Variants in LINC00305 observed in about 807,000 individuals in gnomAD.
LINC00305 encodes the protein long independently transcribed non-coding RNA 305, also known as long intergenic non-protein coding RNA 305.
intron 3 of LINC00305, among the ~76,000 whole-genome samples, chr18:64,089,961 G>C (rs1194762075): frequency 2.0e-5 from 3 of 152,130 alleles, no homozygotes; most frequent in Admixed American, 6.5e-5. Flanking sequence ...TTTGGGTGGG[G>C]ACACAGCCAA....
chr18:64,140,318 C>G (rs551424154), intron 1 of LINC00305, among the ~76,000 whole-genome samples: 1 of 152,142 alleles, frequency 6.6e-6, no homozygotes, highest in African/African-American at 2.4e-5. Context: ...AAGTGATTCT[C>G]CTGCCTCACC....
At chr18:64,114,223 T>A (rs1369439557) in intron 1 of LINC00305, among the ~76,000 whole-genome samples, 2 of 152,164 alleles carry the variant, frequency 1.3e-5, no homozygotes, top group African/African-American at 4.8e-5. Flanking sequence ...TGAGCCGAGA[T>A]TGCGCCACTG....
chr18:64,098,378 TTGGCA>T, intron 2 of LINC00305, among the ~76,000 whole-genome samples: 1 of 152,334 alleles, frequency 6.6e-6, no homozygotes, highest in East Asian at 1.9e-4. Flanking sequence ...TCTTTTTTAA[TTGGCA>T]TGGATCACAC....
chr18:64,087,884 G>A (rs1270970050), intron 3 of LINC00305, among the ~76,000 whole-genome samples: 3 of 151,762 alleles, frequency 2.0e-5, no homozygotes, highest in Non-Finnish European at 2.9e-5. Context: ...AAGGTCAGGA[G>A]ATCAAGACCA....
intron 1 of LINC00305, among the ~76,000 whole-genome samples, chr18:64,143,640 T>G (rs2051479408): frequency 7.3e-6 from 1 of 137,502 alleles, no homozygotes; most frequent in Non-Finnish European, 1.6e-5. Context: ...ACACGTATTA[T>G]GTATACATAT....
intron 1 of LINC00305, among the ~76,000 whole-genome samples, chr18:64,100,363 T>C (rs1340576253): frequency 6.6e-6 from 1 of 152,180 alleles, no homozygotes; most frequent in Non-Finnish European, 1.5e-5. Flanking sequence ...CTTGAAAGTA[T>C]GAAGAAAGAA....
chr18:64,146,595 C>G (rs2051499395), intron 1 of LINC00305, among the ~76,000 whole-genome samples: 1 of 152,216 alleles, frequency 6.6e-6, no homozygotes, highest in Non-Finnish European at 1.5e-5. Context: ...ACCTGACCAG[C>G]TCCCACCAGC....
rs533090747 is a variant in LINC00305, at chr18:64,121,335, AC to A, written n.315-22696del. Among the ~76,000 whole-genome samples, 776 of 151,500 alleles carry A rather than the reference AC, an allele frequency of 5.1e-3. 17 individuals carry two copies. The highest frequency in any genetic ancestry group is 0.017 in the African/African-American group (722 of 41,312). On this transcript the variant is annotated intron_variant and non_coding_transcript_variant, in intron 1 of 3. Transcript: ENST00000666468. The stretch of plus-strand genomic sequence containing the variant: ...CTGTACCCCAAAACCTCCGTCATCC[AC>A]CCCCCTCTGTCCCCTTACCTTTTTG...
At chr18:64,089,027 G>T (rs1389400131) in intron 3 of LINC00305, among the ~76,000 whole-genome samples, 2 of 152,184 alleles carry the variant, frequency 1.3e-5, no homozygotes, top group Admixed American at 1.3e-4. Flanking sequence ...AGGATAGACT[G>T]TCAGGAAGAA....
At chr18:64,092,961 C>T (rs75447813) in intron 3 of LINC00305, among the ~76,000 whole-genome samples, 3,989 of 152,248 alleles carry the variant, frequency 0.026, 89 homozygotes, top group Middle Eastern at 0.065. Context: ...TATCTCAAAG[C>T]ACATTTAGTG....
At chr18:64,127,951 A>G (rs1408001549) in intron 1 of LINC00305, among the ~76,000 whole-genome samples, 2 of 151,974 alleles carry the variant, frequency 1.3e-5, no homozygotes, top group East Asian at 1.9e-4. Context: ...GGGAGGAGGG[A>G]GGTTGATTTC....
At chr18:64,147,520 T>C (rs2051503775) in intron 1 of LINC00305, 1 of 152,222 alleles carries the variant, frequency 6.6e-6, no homozygotes, top group South Asian at 2.1e-4. Context: ...ACAACTGATA[T>C]ACAAATACTT....
chr18:64,117,086 G>A (rs113754946), intron 1 of LINC00305, among the ~76,000 whole-genome samples: 2 of 152,054 alleles, frequency 1.3e-5, no homozygotes, highest in African/African-American at 2.4e-5. Context: ...TAATAAATCC[G>A]GTGGCTGAAG....
At position 64,136,640 on chromosome 18, in the gene LINC00305, G is replaced by T. The variant is rs1024990533; in HGVS notation, n.314+12135C>A. On this transcript the variant is annotated intron_variant and non_coding_transcript_variant, in intron 1 of 3. Transcript: ENST00000666468. ...GGGGACACAGAGCCAAACCCTATCA[G>T]CTGCAAAGGCTGAAATGAGTGGAAA... Among the ~76,000 whole-genome samples the T allele has an allele frequency of 2.6e-5, 4 of 152,208 alleles. No homozygotes were observed. The East Asian group carries it at 5.8e-4, about 22-fold the overall frequency.
chr18:64,148,088 T>C (rs1465839790), intron 1 of LINC00305, among the ~76,000 whole-genome samples: 1 of 152,096 alleles, frequency 6.6e-6, no homozygotes, highest in East Asian at 1.9e-4. Context: ...ACAAGGGATC[T>C]TCCAGGTTGT....
chr18:64,091,412 C>T (rs1373197679), intron 3 of LINC00305, among the ~76,000 whole-genome samples: 3 of 152,174 alleles, frequency 2.0e-5, no homozygotes, highest in African/African-American at 4.8e-5. Flanking sequence ...TTTCGTTGGA[C>T]TTCATGTGCA....
At chr18:64,120,875 G>A (rs1431680127) in intron 1 of LINC00305, among the ~76,000 whole-genome samples, 1 of 152,134 alleles carries the variant, frequency 6.6e-6, no homozygotes, top group Non-Finnish European at 1.5e-5. Flanking sequence ...AAAGCAGACT[G>A]TAGATGATTA....
intron 1 of LINC00305, among the ~76,000 whole-genome samples, chr18:64,124,681 A>G (rs9952960): frequency 0.16 from 24,645 of 152,126 alleles, 2,073 homozygotes; most frequent in African/African-American, 0.19. Context: ...AATAATAACG[A>G]TGATGATGAT....
At chr18:64,128,970 A>G (rs2051397535) in intron 1 of LINC00305, among the ~76,000 whole-genome samples, 1 of 152,144 alleles carries the variant, frequency 6.6e-6, no homozygotes, top group Admixed American at 6.6e-5. Context: ...CACGGGATCA[A>G]TTGTAAAAAT....
Sources: gnomAD v4.1 joint callset for allele counts (sites outside exome capture counted in the v4.1 genomes callset) on GRCh38, gnomAD v4.1.1 for gene constraint, MANE v1.5 for transcripts, NCBI Gene and HGNC (gene_info 2026-07-23, HGNC 2026-07-21) for gene names.